RNMT: variants seen among roughly 807,000 people sequenced by gnomAD.
RNMT encodes RNA guanine-7 methyltransferase, also known as mRNA cap guanine-N(7) methyltransferase.
A neutral mutation model predicts 56.0 loss-of-function variants in RNMT; 27 were observed. The ratio of observed to expected loss-of-function variants is 0.48; its 90% CI spans 0.36 to 0.67. RNMT has a LOEUF of 0.67. RNMT is among the 30% of genes least tolerant of loss of function. RNMT has a pLI of 0.00. For missense variants in RNMT, 519 were observed against 552.1 expected, an observed-to-expected ratio of 0.94 and a Z score of 0.60; for synonymous variants, 184 against 176.2, an observed-to-expected ratio of 1.04 and a Z score of -0.35.
intron 5 of RNMT, 137 bp downstream of exon 5, chr18:13,737,272 G>A (rs2044177252): frequency 1.3e-6 from 1 of 762,340 alleles, no homozygotes; most frequent in East Asian, 2.9e-5. Context: ...GCCTGACGCG[G>A]TGGCTCATGC....
At chr18:13,745,423 T>A (rs1157427050) in intron 8 of RNMT, among the ~76,000 whole-genome samples, 2 of 152,164 alleles carry the variant, frequency 1.3e-5, no homozygotes, top group East Asian at 3.8e-4. Flanking sequence ...TGGACCTATT[T>A]GAAATTGATG....
At position 13,737,197 on chromosome 18, in the gene RNMT, G is replaced by A. The variant is rs2044174821; in HGVS notation, c.679+62G>A. 85 of 1,443,406 alleles carry A rather than the reference G, an allele frequency of 5.9e-5. 1 individual carries two copies. The South Asian group carries it at 1.1e-3, about 18-fold the overall frequency. The allele number at this position is 1,443,406 out of a possible 1,614,324, so 89.4% of individuals were successfully genotyped here. ...AGTCAGATAAATGGAAAATAAGAAG[G>A]ATTGTCTCAAATTGCAAGATATCTG... On this transcript the variant is annotated intron_variant, in intron 5 of 11. Coordinates refer to ENST00000383314, the MANE Select transcript of RNMT (RefSeq NM_003799.3).
At chr18:13,729,272 C>T (rs1601988419) in intron 1 of RNMT, among the ~76,000 whole-genome samples, 2 of 152,230 alleles carry the variant, frequency 1.3e-5, no homozygotes, top group South Asian at 2.1e-4. Flanking sequence ...TGGTTTTAAA[C>T]GTTCTTACTT....
At chr18:13,750,280 T>C (rs1479576056) in intron 9 of RNMT, among the ~76,000 whole-genome samples, 1 of 152,238 alleles carries the variant, frequency 6.6e-6, no homozygotes, top group East Asian at 1.9e-4. Flanking sequence ...TTGTCTTGAC[T>C]TTTTCATTTG....
intron 11 of RNMT, among the ~76,000 whole-genome samples, chr18:13,757,838 A>G (rs1185096963): frequency 1.3e-5 from 2 of 152,196 alleles, no homozygotes; most frequent in Non-Finnish European, 2.9e-5. Flanking sequence ...AGGAATCACT[A>G]TCTATGGCAG....
chr18:13,758,298 T>C (rs2044575229), intron 11 of RNMT, among the ~76,000 whole-genome samples: 1 of 152,198 alleles, frequency 6.6e-6, no homozygotes, highest in African/African-American at 2.4e-5. Context: ...TTGACTTCTC[T>C]CTAGCTATGA....
intron 9 of RNMT, among the ~76,000 whole-genome samples, chr18:13,750,233 G>A (rs2044418515): frequency 6.6e-6 from 1 of 152,130 alleles, no homozygotes. Context: ...GGAAATGTCT[G>A]TATTTTGGAG....
chr18:13,733,920 G>T (rs183003175), intron 3 of RNMT, among the ~76,000 whole-genome samples: 1 of 152,262 alleles, frequency 6.6e-6, no homozygotes, highest in African/African-American at 2.4e-5. Context: ...TCAAAATAAG[G>T]TGATATGGTT....
At chr18:13,733,185 C>T (rs866018276) in intron 3 of RNMT, among the ~76,000 whole-genome samples, 1 of 152,216 alleles carries the variant, frequency 6.6e-6, no homozygotes, top group African/African-American at 2.4e-5. Context: ...AAAGGCCTTT[C>T]AGCACATCAG....
intron 7 of RNMT, 62 bp downstream of exon 7, chr18:13,741,753 T>C: frequency 1.9e-6 from 2 of 1,056,180 alleles, no homozygotes; most frequent in Non-Finnish European, 2.7e-6. Flanking sequence ...CAAATGTTTA[T>C]CAGAGGTAGA....
At chr18:13,750,723 C>T (rs2044428099) in intron 9 of RNMT, among the ~76,000 whole-genome samples, 1 of 151,914 alleles carries the variant, frequency 6.6e-6, no homozygotes, top group Non-Finnish European at 1.5e-5. Context: ...ATCACTTGAG[C>T]TCGGGAGGCC....
intron 11 of RNMT, 103 bp downstream of exon 11, chr18:13,754,250 T>C (rs1343773249): frequency 2.9e-6 from 2 of 696,682 alleles, no homozygotes; most frequent in Non-Finnish European, 2.4e-6. Flanking sequence ...CTCACACCAG[T>C]ACTCTCAGTA....
chr18:13,744,136 G>A (rs1206528035), intron 8 of RNMT, among the ~76,000 whole-genome samples: 3 of 124,354 alleles, frequency 2.4e-5, no homozygotes, highest in African/African-American at 9.6e-5. Context: ...TGTTTTAAAT[G>A]CTAAACAAGA....
intron 5 of RNMT, among the ~76,000 whole-genome samples, chr18:13,739,821 A>T (rs538571024): frequency 6.6e-6 from 1 of 152,230 alleles, no homozygotes; most frequent in African/African-American, 2.4e-5. Context: ...ATAACATTTT[A>T]TTATAAAAAT....
At chr18:13,748,181 T>C (rs1317321503) in intron 9 of RNMT, among the ~76,000 whole-genome samples, 1 of 152,030 alleles carries the variant, frequency 6.6e-6, no homozygotes, top group African/African-American at 2.4e-5. Context: ...GAAACCAGAG[T>C]GCACAGGAGA....
intron 2 of RNMT, 115 bp downstream of exon 2, chr18:13,730,870 G>A (rs1481609173): frequency 2.0e-5 from 3 of 152,238 alleles, no homozygotes; most frequent in Admixed American, 6.5e-5. Context: ...CAACCATGCA[G>A]TTTGGGAACC....
chr18:13,762,412 A>T lies in RNMT; in HGVS notation c.*2433A>T, dbSNP rs868679892. ...AAAGTATTGCAATTCTGTGAGAGTG[A>T]CTCTGCAGAGTCACTGCACCATCAG... On this transcript the variant is annotated 3_prime_UTR_variant, in exon 12 of 12. Transcript: ENST00000383314. 1.2e-5 allele frequency: 5 copies of T among 426,846 alleles called. No individual in the cohort carries two copies. The Middle Eastern group carries it at 1.7e-3, about 149-fold the overall frequency. 26.4% of individuals were successfully genotyped at this position (426,846 alleles called of 1,614,324 possible). A position where few individuals can be genotyped will look rare whatever the true frequency, so the allele number is the denominator to read the frequency against.
At chr18:13,736,400 G>A (rs1299430617) in intron 4 of RNMT, among the ~76,000 whole-genome samples, 1 of 152,006 alleles carries the variant, frequency 6.6e-6, no homozygotes, top group Non-Finnish European at 1.5e-5. Flanking sequence ...ATTGATGTTT[G>A]GTTGCCTACT....
intron 9 of RNMT, among the ~76,000 whole-genome samples, chr18:13,749,580 C>T (rs1426987137): frequency 6.6e-6 from 1 of 152,146 alleles, no homozygotes; most frequent in East Asian, 1.9e-4. Flanking sequence ...TGCCTCCTTT[C>T]TAGCTGGTTT....
Sources: allele counts gnomAD v4.1 joint callset (sites outside exome capture counted in the v4.1 genomes callset), GRCh38; gene constraint gnomAD v4.1.1; transcripts MANE v1.5; gene names NCBI Gene and HGNC (gene_info 2026-07-23, HGNC 2026-07-21).